PTPRG: variants seen among roughly 807,000 people sequenced by gnomAD.
PTPRG encodes the protein protein tyrosine phosphatase receptor type G, also known as receptor-type tyrosine-protein phosphatase gamma.
Under a neutral mutation model 165.3 loss-of-function variants are expected in PTPRG, and 102 were observed. That is an observed-to-expected ratio of 0.62 (90% CI 0.53 to 0.73). The LOEUF (loss-of-function observed/expected upper bound fraction) is 0.73, where lower values mean the gene tolerates loss of function less well. Among genes scored for constraint, PTPRG ranks in the 30% least tolerant of loss-of-function variants. The pLI is 0.00. For synonymous variants in PTPRG, 675 were observed against 669.5 expected, an observed-to-expected ratio of 1.01 and a Z score of -0.13; for missense variants, 1,866 against 1,861.4, an observed-to-expected ratio of 1.00 and a Z score of -0.05.
intron 1 of PTPRG, among the ~76,000 whole-genome samples, chr3:61,568,232 G>T (rs1176440419): frequency 6.6e-6 from 1 of 152,258 alleles, no homozygotes; most frequent in East Asian, 1.9e-4. Flanking sequence ...CCTACAATTT[G>T]CCTGTTGCAA....
At chr3:62,124,962 C>G (rs1050112635) in intron 5 of PTPRG, among the ~76,000 whole-genome samples, 2 of 152,068 alleles carry the variant, frequency 1.3e-5, no homozygotes, top group African/African-American at 4.8e-5. Flanking sequence ...GTCTGAATAC[C>G]TGGAGTCAGG....
chr3:61,996,996 C>T (rs948123818), intron 3 of PTPRG, among the ~76,000 whole-genome samples: 1 of 152,162 alleles, frequency 6.6e-6, no homozygotes, highest in Admixed American at 6.5e-5. Flanking sequence ...TTTGAAGAAC[C>T]TTTTCTGTTT....
intron 4 of PTPRG, among the ~76,000 whole-genome samples, chr3:62,067,001 G>A (rs964580434): frequency 7.9e-5 from 11 of 139,898 alleles, no homozygotes; most frequent in African/African-American, 3.0e-4. Flanking sequence ...TCACGCCACT[G>A]CACTCCAGCT....
chr3:61,968,448 T>C (rs1482843842), intron 2 of PTPRG, among the ~76,000 whole-genome samples: 1 of 152,134 alleles, frequency 6.6e-6, no homozygotes, highest in Non-Finnish European at 1.5e-5. Flanking sequence ...TGGATTTTCT[T>C]AGGTTCTTAG....
At chr3:62,199,768 C>T (rs1424118162) in intron 10 of PTPRG, among the ~76,000 whole-genome samples, 1 of 152,088 alleles carries the variant, frequency 6.6e-6, no homozygotes. Flanking sequence ...TTGAAAGAAC[C>T]ACATAGAAGC....
At chr3:61,837,413 A>T (rs2036500320) in intron 2 of PTPRG, among the ~76,000 whole-genome samples, 1 of 152,180 alleles carries the variant, frequency 6.6e-6, no homozygotes, top group South Asian at 2.1e-4. Flanking sequence ...ATCTCCTAAA[A>T]TGTGGGATAC....
intron 4 of PTPRG, among the ~76,000 whole-genome samples, chr3:62,017,615 G>A (rs1309456819): frequency 6.7e-6 from 1 of 149,558 alleles, no homozygotes; most frequent in Non-Finnish European, 1.5e-5. Context: ...TAGTAGAGAC[G>A]GGGTTTCACC....
At chr3:62,262,955 T>G in intron 17 of PTPRG, 61 bp downstream of exon 17, 1 of 1,306,376 alleles carries the variant, frequency 7.7e-7, no homozygotes, top group Non-Finnish European at 1.1e-6. Context: ...ATGCTGGGTA[T>G]AAGCTGAAAG....
At chr3:61,686,771 C>A (rs1703645439) in intron 1 of PTPRG, among the ~76,000 whole-genome samples, 2 of 152,154 alleles carry the variant, frequency 1.3e-5, no homozygotes, top group African/African-American at 4.8e-5. Flanking sequence ...ATATCGAAAT[C>A]TCTATTTCCC....
intron 1 of PTPRG, among the ~76,000 whole-genome samples, chr3:61,621,051 A>ATATATATATATGTGTG: frequency 8.5e-5 from 10 of 117,948 alleles, no homozygotes; most frequent in African/African-American, 2.1e-4. Context: ...ATATATATAT[A>ATATATATATATGTGTG]TGTGTGTGTG....
At position 61,675,924 on chromosome 3, in the gene PTPRG, A is replaced by G. The variant is rs114477299; in HGVS notation, c.86-72954A>G. 5.8e-3 allele frequency among the ~76,000 whole-genome samples: 886 copies of G among 152,310 alleles called. 10 individuals are homozygous for G. The highest frequency in any genetic ancestry group is 0.019 in the African/African-American group (807 of 41,586). On this transcript the variant is annotated intron_variant, in intron 1 of 29. Transcript: ENST00000474889. ...CATGTGTCATTCCGTGGTAGCATGG[A>G]TCATATTAATAATTGAACCAGTATC...
chr3:62,274,949 G>A (rs934713825), intron 23 of PTPRG, among the ~76,000 whole-genome samples: 1 of 151,628 alleles, frequency 6.6e-6, no homozygotes, highest in South Asian at 2.1e-4. Flanking sequence ...TAAGAAATGC[G>A]ACCAGGTAGT....
chr3:62,045,469 T>G (rs1440854668), intron 4 of PTPRG, among the ~76,000 whole-genome samples: 2 of 152,196 alleles, frequency 1.3e-5, no homozygotes, highest in Non-Finnish European at 2.9e-5. Context: ...TTTTTTCCCC[T>G]TTTAGTTCTT....
At chr3:61,931,095 C>T (rs1048756756) in intron 2 of PTPRG, among the ~76,000 whole-genome samples, 2 of 152,090 alleles carry the variant, frequency 1.3e-5, no homozygotes, top group African/African-American at 2.4e-5. Context: ...CCTTCCTGCC[C>T]GTGGGCCATG....
At chr3:61,990,223 A>G (rs2040851964) in intron 3 of PTPRG, among the ~76,000 whole-genome samples, 1 of 152,194 alleles carries the variant, frequency 6.6e-6, no homozygotes, top group Admixed American at 6.5e-5. Flanking sequence ...TCACGTGCTT[A>G]TCTGCCACAT....
rs1450417187 is a variant in PTPRG, at chr3:62,190,329, C to T, written c.1034-1140C>T. Among the ~76,000 whole-genome samples, 1 of 152,204 alleles carries T rather than the reference C, an allele frequency of 6.6e-6. No individual in the cohort carries two copies. Among genetic ancestry groups the T allele is most frequent in the Non-Finnish European group, 1.5e-5 (1 of 68,040 alleles). On this transcript the variant is annotated intron_variant, in intron 8 of 29. Coordinates refer to ENST00000474889, the MANE Select transcript of PTPRG (RefSeq NM_002841.4). The surrounding 1 kb of genome is among the most constrained non-coding windows in gnomAD (Gnocchi z 5.2). ...TGTCTAGCTCAAGAGGTCATGGGTG[C>T]TGAGGGTGAGAACCCCTGCCCTGGA...
intron 2 of PTPRG, among the ~76,000 whole-genome samples, chr3:61,931,066 C>G (rs142102082): frequency 6.6e-6 from 1 of 152,144 alleles, no homozygotes; most frequent in African/African-American, 2.4e-5. Context: ...TAATTCATTG[C>G]TTAGAAGGGC....
chr3:61,929,349 A>G (rs1311546908), intron 2 of PTPRG, among the ~76,000 whole-genome samples: 1 of 152,082 alleles, frequency 6.6e-6, no homozygotes, highest in Non-Finnish European at 1.5e-5. Context: ...TTGAAAAAAA[A>G]AATACTTTTG....
At chr3:61,904,786 A>G (rs1251923068) in intron 2 of PTPRG, among the ~76,000 whole-genome samples, 1 of 152,136 alleles carries the variant, frequency 6.6e-6, no homozygotes, top group African/African-American at 2.4e-5. Flanking sequence ...TACATTTCAC[A>G]TATGTATTTT....
Sources: allele counts gnomAD v4.1 joint callset (sites outside exome capture counted in the v4.1 genomes callset), GRCh38; gene constraint gnomAD v4.1.1; non-coding constraint Gnocchi (gnomAD v3.1); transcripts MANE v1.5; gene names NCBI Gene and HGNC (gene_info 2026-07-23, HGNC 2026-07-21).